Variants in ANK3 observed in about 807,000 individuals in gnomAD.
ANK3 encodes ankyrin-3.
A neutral mutation model predicts 370.9 loss-of-function variants in ANK3; 57 were observed. The observed-to-expected ratio is 0.15, with a 90% confidence interval of 0.12 to 0.19. ANK3 has a LOEUF of 0.19. Ranked by LOEUF, ANK3 falls within the 10% of genes least tolerant of loss-of-function variation. ANK3 has a pLI of 1.00. For synonymous variants in ANK3, 1,929 were observed against 1,946.3 expected, an observed-to-expected ratio of 0.99 and a Z score of 0.23; for missense variants, 4,439 against 5,302.1, an observed-to-expected ratio of 0.84 and a Z score of 5.06.
upstream of ANK3, among the ~76,000 whole-genome samples, chr10:60,390,809 G>C (rs1488883528): frequency 7.6e-6 from 1 of 132,180 alleles, no homozygotes; most frequent in Non-Finnish European, 1.6e-5. Flanking sequence ...AAAAAAAAAA[G>C]ATGTTCTGAT....
At chr10:60,557,342 G>A (rs1351834398) in intron 2 of ANK3, among the ~76,000 whole-genome samples, 1 of 152,146 alleles carries the variant, frequency 6.6e-6, no homozygotes, top group Non-Finnish European at 1.5e-5. Flanking sequence ...TGACAACATG[G>A]ATGAACATTA....
At chr10:60,231,448 AT>A (rs2097243962) in intron 8 of ANK3, among the ~76,000 whole-genome samples, 1 of 152,178 alleles carries the variant, frequency 6.6e-6, no homozygotes, top group Non-Finnish European at 1.5e-5. Flanking sequence ...GATTTATTGA[AT>A]GCAAGCAAGG....
intron 2 of ANK3, among the ~76,000 whole-genome samples, chr10:60,410,351 A>G (rs556831613): frequency 4.6e-5 from 7 of 152,074 alleles, no homozygotes; most frequent in South Asian, 2.1e-4. Flanking sequence ...TCTCCACACC[A>G]GGTGTTTAGC....
intron 23 of ANK3, among the ~76,000 whole-genome samples, chr10:60,159,058 T>C (rs2095429687): frequency 6.6e-6 from 1 of 151,826 alleles, no homozygotes; most frequent in South Asian, 2.1e-4. Flanking sequence ...AGAAAACAAA[T>C]AACAAAATGG....
chr10:60,134,670 G>A (rs1229788195), intron 24 of ANK3, among the ~76,000 whole-genome samples: 1 of 152,164 alleles, frequency 6.6e-6, no homozygotes, highest in Non-Finnish European at 1.5e-5. Context: ...AGAAGAACCA[G>A]ATGATTCTAG....
Position 60,070,582 on chromosome 10 carries a change from T to A in ANK3, c.10299A>T (p.Lys3433Asn). ...EDDGLTESDS[K>N]LPIQAMEIKK... ...TAATTTCCATGGCTTGAATTGGGAG[T>A]TTAGAATCACTCTCTGTCAAGCCAT... The change falls in exon 37 of 44, where the codon AAA becomes AAT. Residue 3433 changes from lysine to asparagine, a missense_variant. Lys to Asn is a moderately conservative substitution (Grantham distance 94). Coordinates refer to ENST00000280772, the MANE Select transcript of ANK3 (RefSeq NM_020987.5). The surrounding 1 kb of genome is among the most constrained non-coding windows in gnomAD (Gnocchi z 5.7). 6.2e-7 allele frequency: 1 copy of A among 1,614,138 alleles called. No individual in the cohort carries two copies. Among genetic ancestry groups the A allele is most frequent in the Non-Finnish European group, 8.5e-7 (1 of 1,180,024 alleles).
At chr10:60,251,458 C>T (rs1235331878) in intron 7 of ANK3, among the ~76,000 whole-genome samples, 1 of 152,166 alleles carries the variant, frequency 6.6e-6, no homozygotes, top group Non-Finnish European at 1.5e-5. Context: ...CACTGTTATT[C>T]GTGTGAGACT....
At chr10:60,030,603 C>T (rs763779887) in intron 43 of ANK3, among the ~76,000 whole-genome samples, 1 of 152,162 alleles carries the variant, frequency 6.6e-6, no homozygotes, top group Non-Finnish European at 1.5e-5. Flanking sequence ...GCTTATGTCT[C>T]ATGGCAGGAT....
At chr10:60,713,273 G>T (rs2079735959) in intron 1 of ANK3, among the ~76,000 whole-genome samples, 1 of 152,068 alleles carries the variant, frequency 6.6e-6, no homozygotes, top group South Asian at 2.1e-4. Flanking sequence ...ACACCACAAT[G>T]AAATTAAGCT....
At chr10:60,373,260 G>T (rs1353269081) in intron 1 of ANK3, among the ~76,000 whole-genome samples, 5 of 152,068 alleles carry the variant, frequency 3.3e-5, no homozygotes, top group Non-Finnish European at 5.9e-5. Flanking sequence ...CCAGGCCAGG[G>T]GCCTCTTGTG....
At chr10:60,420,345 G>A (rs752432303) in intron 2 of ANK3, among the ~76,000 whole-genome samples, 1 of 152,082 alleles carries the variant, frequency 6.6e-6, no homozygotes, top group Non-Finnish European at 1.5e-5. Context: ...ACTGACCCAC[G>A]TTGAGAGCCT....
intron 2 of ANK3, among the ~76,000 whole-genome samples, chr10:60,548,404 GTTGT>G (rs535112836): frequency 2.8e-4 from 42 of 151,060 alleles, no homozygotes; most frequent in African/African-American, 8.0e-4. Flanking sequence ...TTTTTTTGTT[GTTGT>G]TTGTTTGTTT....
chr10:60,155,212 C>A (rs2095292602), intron 23 of ANK3, among the ~76,000 whole-genome samples: 1 of 152,164 alleles, frequency 6.6e-6, no homozygotes, highest in Admixed American at 6.5e-5. Context: ...TCTACACCAC[C>A]CCTCCCCCAG....
At chr10:60,386,602 A>G (rs2062366591) in intron 1 of ANK3, among the ~76,000 whole-genome samples, 1 of 151,820 alleles carries the variant, frequency 6.6e-6, no homozygotes, top group African/African-American at 2.4e-5. Context: ...GACCATATGT[A>G]TAATTCATTG....
chr10:60,562,018 G>A (rs2077346810), intron 2 of ANK3, among the ~76,000 whole-genome samples: 1 of 152,222 alleles, frequency 6.6e-6, no homozygotes, highest in South Asian at 2.1e-4. Flanking sequence ...ACCTAGAATA[G>A]TAAATGCTTA....
At position 60,679,344 on chromosome 10, in the gene ANK3, T is replaced by C. The variant is rs568823634; in HGVS notation, c.57+53919A>G. Among the ~76,000 whole-genome samples, 9 of 152,230 alleles carry C rather than the reference T, an allele frequency of 5.9e-5. No homozygotes were observed. In the South Asian group the frequency reaches 1.7e-3, roughly 28 times the overall value. ...CCATCAGGTGATGGTCAGGCGGTTG[T>C]TAAACAGTTTCTCTAAAATAAAAAT... On this transcript the variant is annotated intron_variant, in intron 1 of 43. Coordinates refer to the ANK3 transcript ENST00000373827.
chr10:60,502,014 T>C (rs1043113707), intron 2 of ANK3, among the ~76,000 whole-genome samples: 6 of 151,338 alleles, frequency 4.0e-5, no homozygotes, highest in African/African-American at 1.5e-4. Flanking sequence ...GAGGATACAT[T>C]TTAACATCTC....
In ANK3 at chr10:60,029,757, G is replaced by A. The variant is rs149282429; in HGVS notation, c.*89C>T. 44 of 152,008 alleles carry A rather than the reference G, an allele frequency of 2.9e-4. No homozygotes were observed. The highest frequency in any genetic ancestry group is 7.3e-4 in the African/African-American group (30 of 41,306). The allele number at this position is 152,008 out of a possible 1,614,324, so 9.4% of individuals were successfully genotyped here. A position where few individuals can be genotyped will look rare whatever the true frequency, so the allele number is the denominator to read the frequency against. On this transcript the variant is annotated 3_prime_UTR_variant, in exon 44 of 44. Transcript: ENST00000280772. ...AGCAGCGAACACACACACACTTCTC[G>A]GTGAATTTTTACTTCCTGCTGACAT...
intron 2 of ANK3, among the ~76,000 whole-genome samples, chr10:60,481,556 G>A (rs767648955): frequency 2.0e-5 from 3 of 152,078 alleles, no homozygotes; most frequent in African/African-American, 4.8e-5. Flanking sequence ...TCCACCTCCC[G>A]GGTTCAAGCA....
Sources: allele counts gnomAD v4.1 joint callset (sites outside exome capture counted in the v4.1 genomes callset), GRCh38; gene constraint gnomAD v4.1.1; non-coding constraint Gnocchi (gnomAD v3.1); transcripts MANE v1.5; gene names NCBI Gene and HGNC (gene_info 2026-07-23, HGNC 2026-07-21).